The following RAP1GAP2 variants were observed in gnomAD, a reference collection of about 807,000 sequenced individuals.
RAP1GAP2 encodes RAP1 GTPase activating protein 2.
RAP1GAP2 carries 27 observed loss-of-function variants against 95.0 expected under a neutral mutation model. The ratio of observed to expected loss-of-function variants is 0.28; its 90% CI spans 0.21 to 0.39. RAP1GAP2 has a LOEUF of 0.39. Among genes scored for constraint, RAP1GAP2 ranks in the 10% least tolerant of loss-of-function variants. RAP1GAP2 has a pLI of 1.00. For synonymous variants in RAP1GAP2, 373 were observed against 380.9 expected (o/e 0.98, Z 0.24); for missense variants, 771 against 970.0 (o/e 0.79, Z 2.72).
chr17:2,924,626 G>A (rs1159868154), intron 3 of RAP1GAP2, among the ~76,000 whole-genome samples: 1 of 151,924 alleles, frequency 6.6e-6, no homozygotes, highest in African/African-American at 2.4e-5. Context: ...GGGGGAAAGC[G>A]AATGAGATGG....
intron 17 of RAP1GAP2, among the ~76,000 whole-genome samples, chr17:3,016,594 T>G (rs2046776649): frequency 6.6e-6 from 1 of 152,238 alleles, no homozygotes; most frequent in African/African-American, 2.4e-5. Context: ...AGAGGCCATG[T>G]CCTACACATC....
At chr17:2,913,187 G>A (rs2042448751) in intron 3 of RAP1GAP2, among the ~76,000 whole-genome samples, 1 of 147,666 alleles carries the variant, frequency 6.8e-6, no homozygotes, top group African/African-American at 2.5e-5. Context: ...CAAAAAAAAA[G>A]AAAAAGAAAA....
Position 3,011,589 on chromosome 17 carries a change from C to T in RAP1GAP2, c.1494+3444C>T, listed in dbSNP as rs528296225. 4.7e-5 allele frequency among the ~76,000 whole-genome samples: 7 copies of T among 149,496 alleles called. No homozygotes were observed. In the East Asian group the frequency reaches 1.2e-3, roughly 25 times the overall value. ...TGTTCCAGGAAGAAAAGTTACAGGC[C>T]TTTATCTCTTCCTGTCAAAGTTTTT... On this transcript the variant is annotated intron_variant, in intron 17 of 24. Coordinates refer to ENST00000254695, the MANE Select transcript of RAP1GAP2 (RefSeq NM_015085.5).
chr17:2,796,491 G>A lies in RAP1GAP2; in HGVS notation c.-37G>A. On this transcript the variant is annotated 5_prime_UTR_variant, in exon 1 of 25. Transcript: ENST00000254695. This position sits in a 1 kb window ranked among gnomAD's most constrained non-coding sequence, Gnocchi z 4.7. ...GCGGACAGCCCCGGGGACGTCGTTG[G>A]GACATCGCTGGGACCCCGGGCTCTG... 2.6e-6 allele frequency: 4 copies of A among 1,552,332 alleles called. No homozygotes were observed. Among genetic ancestry groups the A allele is most frequent in the Non-Finnish European group, 3.5e-6 (4 of 1,147,610 alleles).
At chr17:2,880,007 C>T (rs982270331) in intron 2 of RAP1GAP2, among the ~76,000 whole-genome samples, 2 of 152,042 alleles carry the variant, frequency 1.3e-5, no homozygotes, top group African/African-American at 4.8e-5. Context: ...TCCTGCCCTC[C>T]TGGAGCTCAC....
intron 2 of RAP1GAP2, among the ~76,000 whole-genome samples, chr17:2,889,540 G>A (rs996526358): frequency 1.3e-5 from 2 of 152,114 alleles, no homozygotes; most frequent in Admixed American, 6.6e-5. Flanking sequence ...CTTTCCAGCC[G>A]TGAAATACTG....
chr17:3,018,889 C>A (rs150147035), intron 18 of RAP1GAP2, among the ~76,000 whole-genome samples: 2 of 152,114 alleles, frequency 1.3e-5, no homozygotes, highest in East Asian at 1.9e-4. Context: ...TTGGTGAAAC[C>A]CCGTCTCTAC....
At position 3,004,165 on chromosome 17, in the gene RAP1GAP2, T is replaced by C. The variant is rs2046260401; in HGVS notation, c.1201-1204T>C. Among the ~76,000 whole-genome samples, 1 of 152,042 alleles carries C rather than the reference T, an allele frequency of 6.6e-6. No individual in the cohort carries two copies. Among genetic ancestry groups the C allele is most frequent in the South Asian group, 2.1e-4 (1 of 4,824 alleles). ...ACCTGGGCCACCGGTGCCTGGTGGG[T>C]GGTGGTAGGGAACCGGGTTCAGCTG... On this transcript the variant is annotated intron_variant, in intron 14 of 24. Coordinates refer to ENST00000254695, the MANE Select transcript of RAP1GAP2 (RefSeq NM_015085.5). The surrounding 1 kb of genome is among the most constrained non-coding windows in gnomAD (Gnocchi z 4.1).
At chr17:2,768,086 G>A (rs1230157475) in intron 1 of RAP1GAP2, among the ~76,000 whole-genome samples, 4 of 152,098 alleles carry the variant, frequency 2.6e-5, no homozygotes, top group Admixed American at 2.0e-4. Flanking sequence ...CCCTACTGAA[G>A]GGTGCATGGG....
chr17:2,778,157 G>C (rs2068550958), intron 1 of RAP1GAP2, among the ~76,000 whole-genome samples: 1 of 149,732 alleles, frequency 6.7e-6, no homozygotes, highest in Non-Finnish European at 1.5e-5. Context: ...CCAAGCTGTG[G>C]TGCTGGGTTT....
At chr17:2,783,387 C>T (rs1387903176) in intron 1 of RAP1GAP2, among the ~76,000 whole-genome samples, 2 of 152,192 alleles carry the variant, frequency 1.3e-5, no homozygotes, top group Non-Finnish European at 2.9e-5. Flanking sequence ...ACCTGTCTGT[C>T]TTGCTTACTA....
At chr17:2,802,291 G>T (rs1261732759) in intron 2 of RAP1GAP2, among the ~76,000 whole-genome samples, 4 of 152,202 alleles carry the variant, frequency 2.6e-5, no homozygotes, top group Non-Finnish European at 5.9e-5. Flanking sequence ...ATAAAAGAGG[G>T]TCAAAATAAG....
intron 12 of RAP1GAP2, 60 bp downstream of exon 12, chr17:2,991,457 A>AG (rs2045747110): frequency 1.5e-6 from 2 of 1,300,260 alleles, no homozygotes; most frequent in Non-Finnish European, 2.2e-6. Context: ...AGGAAGGGCA[A>AG]GACAGCTCAG....
At chr17:2,861,927 A>C (rs1011953096) in intron 2 of RAP1GAP2, among the ~76,000 whole-genome samples, 1 of 152,152 alleles carries the variant, frequency 6.6e-6, no homozygotes. Flanking sequence ...AAGTGCTGGG[A>C]TTACAGACGT....
rs1266172491 is a variant in RAP1GAP2 at position 2,921,765 on chromosome 17, C to T, written c.165+16397C>T. Among the ~76,000 whole-genome samples, 3 of 112,286 alleles carry T rather than the reference C, an allele frequency of 2.7e-5. No individual in the cohort carries two copies. In the Admixed American group the frequency reaches 2.8e-4, roughly 11 times the overall value. The allele number at this position is 112,286 out of a possible 152,430, so 73.7% of individuals were successfully genotyped here. A position where few individuals can be genotyped will look rare whatever the true frequency, so the allele number is the denominator to read the frequency against. On this transcript the variant is annotated intron_variant, in intron 3 of 24. Coordinates refer to ENST00000254695, the MANE Select transcript of RAP1GAP2 (RefSeq NM_015085.5). Reference sequence around the variant, plus strand: ...ACCGTTAAGGTGTCCTTAAGGTGTCCGCAGGGCCATGTTCCCGCCAGAGGC... The same window carrying T: ...ACCGTTAAGGTGTCCTTAAGGTGTCTGCAGGGCCATGTTCCCGCCAGAGGC...
chr17:2,796,502 G>T lies in RAP1GAP2; in HGVS notation c.-26G>T, dbSNP rs745389854. On this transcript the variant is annotated 5_prime_UTR_variant, in exon 1 of 25. Transcript: ENST00000254695. This position sits in a 1 kb window ranked among gnomAD's most constrained non-coding sequence, Gnocchi z 4.7. ...CGGGGACGTCGTTGGGACATCGCTG[G>T]GACCCCGGGCTCTGCAGCCACAACC... 1 of 1,553,830 alleles carries T rather than the reference G, an allele frequency of 6.4e-7. No individual in the cohort carries two copies. Among genetic ancestry groups the T allele is most frequent in the Non-Finnish European group, 8.7e-7 (1 of 1,148,468 alleles).
chr17:3,031,134 T>A (rs958786881), intron 23 of RAP1GAP2, 136 bp downstream of exon 23: 26 of 985,776 alleles, frequency 2.6e-5, no homozygotes, highest in Non-Finnish European at 3.8e-5. Context: ...TGGGGACGTC[T>A]GGCTCCAGCA....
intron 2 of RAP1GAP2, among the ~76,000 whole-genome samples, chr17:2,901,729 ACT>A (rs2042033098): frequency 6.8e-6 from 1 of 146,006 alleles, no homozygotes; most frequent in Admixed American, 6.9e-5. Context: ...GCGTCACTTA[ACT>A]CTATCTTATC....
intron 17 of RAP1GAP2, among the ~76,000 whole-genome samples, chr17:3,013,534 A>G (rs1304409451): frequency 6.6e-6 from 1 of 150,598 alleles, no homozygotes; most frequent in East Asian, 2.0e-4. Context: ...CCGCCTCCTC[A>G]CACTTACCTT....
Sources: gnomAD v4.1 joint callset for allele counts (sites outside exome capture counted in the v4.1 genomes callset) on GRCh38, gnomAD v4.1.1 for gene constraint, Gnocchi (gnomAD v3.1) non-coding constraint, MANE v1.5 for transcripts, NCBI Gene and HGNC (gene_info 2026-07-23, HGNC 2026-07-21) for gene names.